Variants in FAF1 observed in about 807,000 individuals in gnomAD.
The protein encoded by FAF1 is Fas associated factor 1.
FAF1 carries 25 observed loss-of-function variants against 92.5 expected under a neutral mutation model. That is an observed-to-expected ratio of 0.27 (90% CI 0.20 to 0.38). The LOEUF is 0.38. Among genes scored for constraint, FAF1 ranks in the 10% least tolerant of loss-of-function variants. FAF1 has a pLI of 1.00. For missense variants in FAF1, 636 were observed against 793.3 expected (o/e 0.80, Z 2.38); for synonymous variants, 234 against 273.2 (o/e 0.86, Z 1.42).
intron 4 of FAF1, among the ~76,000 whole-genome samples, chr1:50,776,524 T>A (rs1038028012): frequency 6.7e-6 from 1 of 148,986 alleles, no homozygotes; most frequent in African/African-American, 2.6e-5. Flanking sequence ...AAGCAGAGGA[T>A]TTTTTTTAGT....
chr1:50,596,164 C>T lies in FAF1; in HGVS notation c.797G>A (p.Gly266Glu). ...GGTCTGTGCAGGTGAAGATCTTCTT[C>T]CCACTGTAAGTCGATGGCAGGGATA... ...LSYPCHRLTV[G>E]RRSSPAQTRE... Residue 266 changes from glycine to glutamate, a missense_variant, in exon 9 of 19, where the codon GGA (glycine) becomes GAA (glutamate). Gly to Glu is a moderately conservative substitution (Grantham distance 98). This residue lies in a region of FAF1 where 317 missense variants were observed against 342.4 expected (regional missense o/e 0.93). Coordinates refer to ENST00000396153, the MANE Select transcript of FAF1 (RefSeq NM_007051.3). 1.2e-6 allele frequency: 2 copies of T among 1,613,950 alleles called. No homozygotes were observed. The highest frequency in any genetic ancestry group is 8.5e-7 in the Non-Finnish European group (1 of 1,179,918).
chr1:50,518,831 T>G (rs908194469), intron 15 of FAF1, among the ~76,000 whole-genome samples: 2 of 152,232 alleles, frequency 1.3e-5, no homozygotes, highest in African/African-American at 4.8e-5. Context: ...TGTTTAACTT[T>G]CTGAGAAACT....
At chr1:50,953,953 T>C (rs998115784) in intron 1 of FAF1, among the ~76,000 whole-genome samples, 3 of 145,146 alleles carry the variant, frequency 2.1e-5, no homozygotes, top group Admixed American at 2.0e-4. Context: ...AGAATACATT[T>C]TTTTTTTTTA....
intron 8 of FAF1, among the ~76,000 whole-genome samples, chr1:50,627,563 A>G (rs1415976844): frequency 6.6e-6 from 1 of 152,180 alleles, no homozygotes; most frequent in African/African-American, 2.4e-5. Flanking sequence ...GGAAGGTTGG[A>G]CAAAGAAGGA....
At chr1:50,816,192 T>C (rs1008963034) in intron 2 of FAF1, among the ~76,000 whole-genome samples, 1 of 151,256 alleles carries the variant, frequency 6.6e-6, no homozygotes, top group East Asian at 1.9e-4. Flanking sequence ...GCCCACTTTT[T>C]TTTTTCCTTT....
chr1:50,475,372 C>T lies in FAF1; in HGVS notation c.1869+92G>A, dbSNP rs542951826. On this transcript the variant is annotated intron_variant, in intron 18 of 18. Transcript: ENST00000396153. ...CCTGTTTGTCTTGTAGTTGCCTGCA[C>T]CATGGGACTTTTCTTGAACTACTTT... 7.5e-5 allele frequency: 71 copies of T among 950,638 alleles called. No homozygotes were observed. The South Asian group carries it at 9.0e-4, about 12-fold the overall frequency. The allele number at this position is 950,638 out of a possible 1,614,324, so 58.9% of individuals were successfully genotyped here. A position where few individuals can be genotyped will look rare whatever the true frequency, so the allele number is the denominator to read the frequency against.
intron 4 of FAF1, among the ~76,000 whole-genome samples, chr1:50,764,414 C>G (rs1470225855): frequency 1.3e-5 from 2 of 152,158 alleles, no homozygotes; most frequent in African/African-American, 4.8e-5. Flanking sequence ...CATTCAGATA[C>G]CTGCATGTTT....
intron 4 of FAF1, among the ~76,000 whole-genome samples, chr1:50,783,956 ATCTC>A: frequency 6.6e-6 from 1 of 152,352 alleles, no homozygotes; most frequent in Admixed American, 6.5e-5. Context: ...TCACACAATC[ATCTC>A]AATAAACAAA....
At chr1:50,818,465 C>G (rs997229441) in intron 2 of FAF1, among the ~76,000 whole-genome samples, 1 of 152,284 alleles carries the variant, frequency 6.6e-6, no homozygotes, top group South Asian at 2.1e-4. Context: ...CCGGATACAA[C>G]CAAAATGTCC....
intron 4 of FAF1, among the ~76,000 whole-genome samples, chr1:50,762,014 C>A (rs1006322545): frequency 6.6e-6 from 1 of 152,052 alleles, no homozygotes; most frequent in Non-Finnish European, 1.5e-5. Context: ...AATCAATGTA[C>A]AAAAATCACA....
chr1:50,680,899 C>T (rs1656390894), intron 7 of FAF1, among the ~76,000 whole-genome samples: 1 of 152,048 alleles, frequency 6.6e-6, no homozygotes, highest in Non-Finnish European at 1.5e-5. Flanking sequence ...AGTCAGAACA[C>T]TGAAGCATAG....
chr1:50,657,860 G>A (rs996312386), intron 7 of FAF1, among the ~76,000 whole-genome samples: 1 of 152,206 alleles, frequency 6.6e-6, no homozygotes, highest in Admixed American at 6.5e-5. Flanking sequence ...TGAGGAGCTT[G>A]GGGAATGGCT....
chr1:50,886,657 C>T (rs1644668373), intron 1 of FAF1, among the ~76,000 whole-genome samples: 1 of 152,124 alleles, frequency 6.6e-6, no homozygotes, highest in South Asian at 2.1e-4. Context: ...CAATAGTTTG[C>T]TGAGAATGAT....
intron 2 of FAF1, among the ~76,000 whole-genome samples, chr1:50,809,631 A>G (rs1662343901): frequency 6.6e-6 from 1 of 152,188 alleles, no homozygotes; most frequent in Non-Finnish European, 1.5e-5. Context: ...TAATAAGCCT[A>G]CCAATGAAAA....
At chr1:50,466,443 T>C (rs992389606) in intron 18 of FAF1, among the ~76,000 whole-genome samples, 1 of 152,184 alleles carries the variant, frequency 6.6e-6, no homozygotes, top group African/African-American at 2.4e-5. Flanking sequence ...TCGTTGTATG[T>C]AGAAATGTTT....
At chr1:50,757,888 A>G (rs879651522) in intron 4 of FAF1, among the ~76,000 whole-genome samples, 2 of 151,838 alleles carry the variant, frequency 1.3e-5, no homozygotes, top group Non-Finnish European at 2.9e-5. Flanking sequence ...CATTATGTGT[A>G]TTCACGGTTT....
At chr1:50,652,365 C>T (rs946754710) in intron 8 of FAF1, among the ~76,000 whole-genome samples, 1 of 152,184 alleles carries the variant, frequency 6.6e-6, no homozygotes, top group East Asian at 1.9e-4. Context: ...AATGAATTAG[C>T]ACCTAAAATG....
At chr1:50,845,338 A>C (rs796507943) in intron 2 of FAF1, among the ~76,000 whole-genome samples, 2 of 152,292 alleles carry the variant, frequency 1.3e-5, no homozygotes, top group African/African-American at 4.8e-5. Context: ...TTGCAGTCTT[A>C]GCCTACCAAT....
At chr1:50,630,367 C>T (rs1292688820) in intron 8 of FAF1, among the ~76,000 whole-genome samples, 1 of 152,098 alleles carries the variant, frequency 6.6e-6, no homozygotes, top group East Asian at 1.9e-4. Flanking sequence ...CTGAAATTTA[C>T]AAACATCTGA....
Sources: allele counts gnomAD v4.1 joint callset (sites outside exome capture counted in the v4.1 genomes callset), GRCh38; gene constraint gnomAD v4.1.1; regional missense constraint gnomAD v4.1.1; transcripts MANE v1.5; gene names NCBI Gene and HGNC (gene_info 2026-07-23, HGNC 2026-07-21).